LRBA: variants seen among roughly 807,000 people sequenced by gnomAD.
LRBA encodes the protein LPS responsive beige-like anchor protein.
Under a neutral mutation model 330.0 loss-of-function variants are expected in LRBA, and 176 were observed. The ratio of observed to expected loss-of-function variants is 0.53; its 90% CI spans 0.47 to 0.60. The LOEUF is 0.60. Ranked by LOEUF, LRBA falls within the 20% of genes least tolerant of loss-of-function variation. The pLI is 0.00. For synonymous variants in LRBA, 1,230 were observed against 1,193.0 expected (o/e 1.03, Z -0.64); for missense variants, 3,259 against 3,444.8 (o/e 0.95, Z 1.35).
chr4:150,652,591 CAG>C (rs1234591068), intron 37 of LRBA, among the ~76,000 whole-genome samples: 3 of 152,094 alleles, frequency 2.0e-5, no homozygotes, highest in Non-Finnish European at 4.4e-5. Flanking sequence ...AGGAAAGAAA[CAG>C]ATAAAATTAA....
At chr4:150,916,564 C>G (rs142847518) in intron 6 of LRBA, 37 bp from the exon 7 acceptor site, 14 of 1,608,342 alleles carry the variant, frequency 8.7e-6, no homozygotes, top group Non-Finnish European at 1.2e-5. Context: ...TCTAAATATT[C>G]TTCTCAGTTT....
rs115153292 is a variant in LRBA, at chr4:150,445,824, T to C, written c.6781-8960A>G. Among the ~76,000 whole-genome samples the C allele has an allele frequency of 1.4e-3, 212 of 152,068 alleles. 1 individual carries two copies. The highest frequency in any genetic ancestry group is 4.2e-3 in the Admixed American group (64 of 15,234). On this transcript the variant is annotated intron_variant, in intron 44 of 56. Coordinates refer to ENST00000651943, the MANE Select transcript of LRBA (RefSeq NM_001364905.1). ...GGACTACAGGTGCATGCTACCACAC[T>C]GACATAATTTTTTAGTTTTTTGTAG... is the stretch of plus-strand genomic sequence containing the variant.
At chr4:150,402,476 T>G (rs184662169) in intron 47 of LRBA, among the ~76,000 whole-genome samples, 106 of 152,114 alleles carry the variant, frequency 7.0e-4, no homozygotes, top group Admixed American at 1.8e-3. Flanking sequence ...CCACAGAAAA[T>G]TTTGAGATAT....
intron 2 of LRBA, among the ~76,000 whole-genome samples, chr4:150,989,068 T>A (rs992743607): frequency 6.6e-6 from 1 of 152,044 alleles, no homozygotes; most frequent in African/African-American, 2.4e-5. Context: ...AATGGCACAA[T>A]CTGGGATCAC....
Position 150,603,545 on chromosome 4 carries a change from C to T in LRBA, c.5922-4414G>A, listed in dbSNP as rs529934954. 3.9e-5 allele frequency among the ~76,000 whole-genome samples: 6 copies of T among 152,164 alleles called. No individual in the cohort carries two copies. In the South Asian group the frequency reaches 1.0e-3, roughly 26 times the overall value. On this transcript the variant is annotated intron_variant, in intron 37 of 56. Coordinates refer to ENST00000651943, the MANE Select transcript of LRBA (RefSeq NM_001364905.1). ...CACCCAGGCTGGAATGCAGTGGCAA[C>T]ATGAGGGAACAGAACAAAGCTCACT...
chr4:150,485,179 T>C (rs1757725867), intron 42 of LRBA, among the ~76,000 whole-genome samples: 1 of 151,956 alleles, frequency 6.6e-6, no homozygotes, highest in East Asian at 1.9e-4. Context: ...GCTTACTGAT[T>C]TTTTGTCTAC....
intron 38 of LRBA, among the ~76,000 whole-genome samples, chr4:150,596,409 G>A (rs1301991104): frequency 6.6e-6 from 1 of 151,772 alleles, no homozygotes; most frequent in Non-Finnish European, 1.5e-5. Context: ...CTATTTAGAT[G>A]TCTTCCTTTG....
intron 37 of LRBA, among the ~76,000 whole-genome samples, chr4:150,646,774 T>A: frequency 6.6e-6 from 1 of 152,102 alleles, no homozygotes. Context: ...AAATCTGGAA[T>A]TTGAAATGCT....
intron 37 of LRBA, among the ~76,000 whole-genome samples, chr4:150,634,050 G>A (rs908297674): frequency 1.3e-5 from 2 of 152,272 alleles, no homozygotes; most frequent in African/African-American, 4.8e-5. Flanking sequence ...AGGAGGCAGA[G>A]GTTGCAGTGA....
chr4:150,820,640 T>C (rs1745301549), intron 30 of LRBA, among the ~76,000 whole-genome samples: 1 of 152,036 alleles, frequency 6.6e-6, no homozygotes, highest in Admixed American at 6.6e-5. Flanking sequence ...TAACATAACA[T>C]TGCTTCAGCT....
At chr4:150,744,802 T>C (rs563110016) in intron 35 of LRBA, among the ~76,000 whole-genome samples, 1 of 152,332 alleles carries the variant, frequency 6.6e-6, no homozygotes, top group East Asian at 1.9e-4. Context: ...GAGTTCAACC[T>C]GGGCAGAATC....
chr4:150,586,482 A>G (rs923036672), intron 40 of LRBA, among the ~76,000 whole-genome samples: 6 of 152,210 alleles, frequency 3.9e-5, no homozygotes, highest in African/African-American at 1.4e-4. Context: ...TCTATACAAA[A>G]TTAAAACTTC....
intron 48 of LRBA, among the ~76,000 whole-genome samples, chr4:150,339,302 CA>C (rs1735170227): frequency 6.6e-6 from 1 of 152,084 alleles, no homozygotes. Flanking sequence ...TCATTCCTGT[CA>C]AAGTTACACG....
At chr4:150,294,122 T>C (rs1180963609) in intron 53 of LRBA, among the ~76,000 whole-genome samples, 1 of 152,222 alleles carries the variant, frequency 6.6e-6, no homozygotes, top group African/African-American at 2.4e-5. Context: ...ACTCCTGTGT[T>C]GTTCAAAAGT....
intron 34 of LRBA, among the ~76,000 whole-genome samples, chr4:150,780,306 A>C (rs1247755363): frequency 1.3e-5 from 2 of 152,166 alleles, no homozygotes; most frequent in Non-Finnish European, 2.9e-5. Context: ...GGAGCAAATA[A>C]GGTATCTTAT....
intron 40 of LRBA, among the ~76,000 whole-genome samples, chr4:150,552,164 G>A (rs1766686889): frequency 6.6e-6 from 1 of 152,116 alleles, no homozygotes; most frequent in East Asian, 1.9e-4. Flanking sequence ...CTCCTCTCCT[G>A]CTATGTGGCC....
At chr4:150,488,144 A>G (rs1758112966) in intron 41 of LRBA, among the ~76,000 whole-genome samples, 1 of 151,676 alleles carries the variant, frequency 6.6e-6, no homozygotes, top group African/African-American at 2.4e-5. Flanking sequence ...TGATAATGAT[A>G]GCTGAGATAA....
At chr4:150,347,590 G>A (rs957189754) in intron 48 of LRBA, among the ~76,000 whole-genome samples, 1 of 150,430 alleles carries the variant, frequency 6.6e-6, no homozygotes, top group Non-Finnish European at 1.5e-5. Context: ...AGGTTGTAAT[G>A]AGCTGAGCTT....
intron 36 of LRBA, among the ~76,000 whole-genome samples, chr4:150,718,436 A>G (rs1438611952): frequency 6.6e-6 from 1 of 151,986 alleles, no homozygotes; most frequent in Non-Finnish European, 1.5e-5. Flanking sequence ...GGCTGAATAC[A>G]GATAACCTCT....
Sources: gnomAD v4.1 joint callset for allele counts (sites outside exome capture counted in the v4.1 genomes callset) on GRCh38, gnomAD v4.1.1 for gene constraint, MANE v1.5 for transcripts, NCBI Gene and HGNC (gene_info 2026-07-23, HGNC 2026-07-21) for gene names.